NEGR1: variants seen among roughly 807,000 people sequenced by gnomAD.
NEGR1 encodes IgLON family member 4.
A neutral mutation model predicts 40.9 loss-of-function variants in NEGR1; 10 were observed. The observed-to-expected ratio is 0.24, with a 90% CI of 0.15 to 0.42. The LOEUF is 0.42. Ranked by LOEUF, NEGR1 falls within the 10% of genes least tolerant of loss-of-function variation. NEGR1 has a pLI of 1.00. For synonymous variants in NEGR1, 185 were observed against 166.8 expected, an observed-to-expected ratio of 1.11 and a Z score of -0.84; for missense variants, 352 against 438.9, an observed-to-expected ratio of 0.80 and a Z score of 1.77.
chr1:72,184,506 A>G (rs1652538124), intron 1 of NEGR1, among the ~76,000 whole-genome samples: 1 of 152,084 alleles, frequency 6.6e-6, no homozygotes, highest in African/African-American at 2.4e-5. Flanking sequence ...GAAATCACAC[A>G]TGAGAGAACA....
intron 1 of NEGR1, among the ~76,000 whole-genome samples, chr1:72,049,688 G>C (rs554440236): frequency 6.6e-6 from 1 of 151,694 alleles, no homozygotes; most frequent in South Asian, 2.1e-4. Context: ...AAGCTGAACA[G>C]AAACATGTCA....
At chr1:72,054,399 G>C (rs900835196) in intron 1 of NEGR1, among the ~76,000 whole-genome samples, 2 of 151,190 alleles carry the variant, frequency 1.3e-5, no homozygotes, top group Admixed American at 6.6e-5. Context: ...TTCAGTGTTA[G>C]ACTGTAGATT....
chr1:71,457,886 T>C (rs145181617), intron 6 of NEGR1, among the ~76,000 whole-genome samples: 2,093 of 152,052 alleles, frequency 0.014, 44 homozygotes, highest in African/African-American at 0.048. Flanking sequence ...GTATTTTTAG[T>C]AGAGACGGGG....
intron 3 of NEGR1, among the ~76,000 whole-genome samples, chr1:71,711,217 C>A (rs1654071933): frequency 6.6e-6 from 1 of 150,424 alleles, no homozygotes; most frequent in African/African-American, 2.4e-5. Context: ...CGGTGCCAGG[C>A]GCCTGCAGTC....
intron 1 of NEGR1, among the ~76,000 whole-genome samples, chr1:72,005,364 T>C (rs1570600113): frequency 6.6e-6 from 1 of 152,132 alleles, no homozygotes; most frequent in African/African-American, 2.4e-5. Context: ...CACTAAGATG[T>C]ATGTATGAAT....
chr1:71,629,074 C>T (rs1206866126), intron 4 of NEGR1, among the ~76,000 whole-genome samples: 3 of 152,010 alleles, frequency 2.0e-5, no homozygotes, highest in African/African-American at 4.8e-5. Flanking sequence ...TCTCCAGCTT[C>T]TGTTGCTTCC....
intron 1 of NEGR1, among the ~76,000 whole-genome samples, chr1:72,046,560 G>A (rs1427431910): frequency 6.6e-6 from 1 of 151,440 alleles, no homozygotes; most frequent in Non-Finnish European, 1.5e-5. Flanking sequence ...ATAAAAGCAG[G>A]TACAAGATTC....
chr1:71,507,583 A>G (rs977603873), intron 6 of NEGR1, among the ~76,000 whole-genome samples: 1 of 152,166 alleles, frequency 6.6e-6, no homozygotes, highest in Non-Finnish European at 1.5e-5. Context: ...AGACTATTTC[A>G]AAGCATTCAA....
At chr1:71,998,063 G>A (rs1466683945) in intron 1 of NEGR1, among the ~76,000 whole-genome samples, 4 of 151,894 alleles carry the variant, frequency 2.6e-5, no homozygotes, top group African/African-American at 9.7e-5. Flanking sequence ...AAATTCCCAG[G>A]AGTTGTAATT....
chr1:72,084,817 A>T (rs11209908), intron 1 of NEGR1, among the ~76,000 whole-genome samples: 66,215 of 152,040 alleles, frequency 0.44, 14,918 homozygotes, highest in Admixed American at 0.5. Flanking sequence ...TGAAAAGAAA[A>T]ACTGATTGTA....
intron 1 of NEGR1, among the ~76,000 whole-genome samples, chr1:72,076,649 T>C (rs567432419): frequency 2.2e-4 from 33 of 152,172 alleles, no homozygotes; most frequent in East Asian, 7.8e-4. Context: ...AGTCTCCATA[T>C]ATATGTGTCC....
chr1:71,429,644 A>T (rs1646452746), intron 6 of NEGR1, among the ~76,000 whole-genome samples: 1 of 152,190 alleles, frequency 6.6e-6, no homozygotes, highest in Non-Finnish European at 1.5e-5. Flanking sequence ...TTCTGCAGCC[A>T]GACAAACAGT....
At chr1:72,087,439 A>AAT (rs1233129494) in intron 1 of NEGR1, among the ~76,000 whole-genome samples, 1,611 of 149,578 alleles carry the variant, frequency 0.011, 12 homozygotes, top group Middle Eastern at 0.014. Flanking sequence ...TCAAAAAAAA[A>AAT]ATATATATAT....
intron 1 of NEGR1, among the ~76,000 whole-genome samples, chr1:72,115,188 T>A (rs1225309044): frequency 6.8e-6 from 1 of 147,630 alleles, no homozygotes; most frequent in African/African-American, 2.4e-5. Flanking sequence ...AAAAATGCGT[T>A]AATTGTGGTC....
chr1:72,039,555 G>C (rs1646933671), intron 1 of NEGR1, among the ~76,000 whole-genome samples: 1 of 151,712 alleles, frequency 6.6e-6, no homozygotes, highest in Non-Finnish European at 1.5e-5. Flanking sequence ...TCCAAGTGTT[G>C]GAGAGAAAAA....
intron 6 of NEGR1, among the ~76,000 whole-genome samples, chr1:71,588,097 T>A (rs1649367014): frequency 6.6e-6 from 1 of 152,178 alleles, no homozygotes. Flanking sequence ...TATGTTTTAC[T>A]GATTACTGAA....
At chr1:71,650,871 T>A (rs952292216) in intron 4 of NEGR1, among the ~76,000 whole-genome samples, 1 of 152,198 alleles carries the variant, frequency 6.6e-6, no homozygotes, top group Non-Finnish European at 1.5e-5. Flanking sequence ...TTCATACTTT[T>A]ATTTAGGGCA....
At chr1:71,783,039 A>G (rs1366545361) in intron 2 of NEGR1, among the ~76,000 whole-genome samples, 1 of 151,964 alleles carries the variant, frequency 6.6e-6, no homozygotes, top group Non-Finnish European at 1.5e-5. Context: ...AATCAAGAGA[A>G]TTTGACTCTA....
intron 4 of NEGR1, among the ~76,000 whole-genome samples, chr1:71,686,694 A>G (rs1653051938): frequency 6.6e-6 from 1 of 152,170 alleles, no homozygotes; most frequent in Non-Finnish European, 1.5e-5. Flanking sequence ...TCGATAAATT[A>G]CCTTTACCCC....
Sources: allele counts gnomAD v4.1 joint callset (sites outside exome capture counted in the v4.1 genomes callset), GRCh38; gene constraint gnomAD v4.1.1; transcripts MANE v1.5; gene names NCBI Gene and HGNC (gene_info 2026-07-23, HGNC 2026-07-21).